SYT4: variants seen among roughly 807,000 people sequenced by gnomAD.
The protein encoded by SYT4 is synaptotagmin 4, also known as synaptotagmin-4.
In SYT4, 7 loss-of-function variants were observed where a neutral mutation model predicts 32.9. The ratio of observed to expected loss-of-function variants is 0.21; its 90% CI spans 0.12 to 0.40. The LOEUF (loss-of-function observed/expected upper bound fraction) is 0.40, where lower values mean the gene tolerates loss of function less well. Ranked by LOEUF, SYT4 falls within the 10% of genes least tolerant of loss-of-function variation. SYT4 has a pLI of 1.00. For synonymous variants in SYT4, 205 were observed against 186.2 expected (o/e 1.10, Z -0.82); for missense variants, 480 against 488.0 (o/e 0.98, Z 0.16).
At chr18:43,272,944 T>C (rs1020924562) in intron 2 of SYT4, among the ~76,000 whole-genome samples, 1 of 152,118 alleles carries the variant, frequency 6.6e-6, no homozygotes, top group African/African-American at 2.4e-5. Context: ...ACTGTTGAAA[T>C]CGAGTTTCAA....
intron 1 of SYT4, among the ~76,000 whole-genome samples, chr18:43,276,117 T>C (rs1908784713): frequency 1.3e-5 from 2 of 152,144 alleles, no homozygotes; most frequent in Admixed American, 1.3e-4. Context: ...AAATGAAGAA[T>C]TGGGAATAAA....
In SYT4 at chr18:43,270,600, T is replaced by C; in HGVS notation, c.1019A>G (p.Lys340Arg). ...GCATTTCTTCACATGAGTCTTCTTC[T>C]TGGAGATTCTCTTTTTGGCATGGTA... is the stretch of plus-strand genomic sequence containing the variant. ...NLYHAKKRIS[K>R]KKTHVKKCTP... The change falls in exon 4 of 4, where the codon AAG becomes AGG. Residue 340 changes from lysine to arginine, a missense_variant. Lys to Arg is a conservative substitution (Grantham distance 26, BLOSUM62 2). Transcript: ENST00000255224. 1 of 1,614,052 alleles carries C rather than the reference T, an allele frequency of 6.2e-7. No individual in the cohort carries two copies. Among genetic ancestry groups the C allele is most frequent in the Non-Finnish European group, 8.5e-7 (1 of 1,179,972 alleles).
chr18:43,274,965 A>T (rs1908748221), intron 1 of SYT4, among the ~76,000 whole-genome samples: 2 of 152,300 alleles, frequency 1.3e-5, no homozygotes, highest in South Asian at 4.1e-4. Flanking sequence ...AGAAATATAC[A>T]TATATTAGAG....
intron 1 of SYT4, among the ~76,000 whole-genome samples, chr18:43,275,936 C>A (rs1908779167): frequency 6.6e-6 from 1 of 151,962 alleles, no homozygotes; most frequent in Admixed American, 6.6e-5. Context: ...TAACCCAAGG[C>A]CAGGGAGCAA....
In SYT4 at chr18:43,270,474, C is replaced by G; in HGVS notation, c.1145G>C (p.Gly382Ala). Reference sequence around the variant, plus strand: ...CTGCCCGATTACCTCATTTCGGGACCCCCTTTCAGAATCCAAAACCAAAAA... The same window carrying G: ...CTGCCCGATTACCTCATTTCGGGACGCCCTTTCAGAATCCAAAACCAAAAA... Reference protein sequence around the residue: ...VEFLVLDSERGSRNEVIGQLV... With the variant: ...VEFLVLDSERASRNEVIGQLV... Residue 382 changes from glycine to alanine, a missense_variant, in exon 4 of 4, where the codon GGG becomes GCG. Coordinates refer to ENST00000255224, the MANE Select transcript of SYT4 (RefSeq NM_020783.4). 2 of 1,614,064 alleles carry G rather than the reference C, an allele frequency of 1.2e-6. No homozygotes were observed. Among genetic ancestry groups the G allele is most frequent in the Non-Finnish European group, 1.7e-6 (2 of 1,179,986 alleles).
rs560914365 is a variant in SYT4, at chr18:43,268,789, C to T, written c.*1552G>A. 6.6e-6 allele frequency: 1 copy of T among 152,556 alleles called. No individual in the cohort carries two copies. The highest frequency in any genetic ancestry group is 1.5e-5 in the Non-Finnish European group (1 of 68,028). The allele number at this position is 152,556 out of a possible 1,614,324, so 9.5% of individuals were successfully genotyped here. A position where few individuals can be genotyped will look rare whatever the true frequency, so the allele number is the denominator to read the frequency against. On this transcript the variant is annotated 3_prime_UTR_variant, in exon 4 of 4. Transcript: ENST00000255224. ...GTACATACAGAATGTAATACATTTT[C>T]TTTACATTAGGCATAGTCATAAAAA...
At chr18:43,275,254 T>A (rs1288171443) in intron 1 of SYT4, among the ~76,000 whole-genome samples, 2 of 152,154 alleles carry the variant, frequency 1.3e-5, no homozygotes, top group African/African-American at 4.8e-5. Context: ...AAACTGAAAT[T>A]GTCATTATTT....
chr18:43,270,824 A>G lies in SYT4; in HGVS notation c.971-176T>C, dbSNP rs560028440. 5.9e-5 allele frequency among the ~76,000 whole-genome samples: 9 copies of G among 152,244 alleles called. No homozygotes were observed. The South Asian group carries it at 1.5e-3, about 25-fold the overall frequency. On this transcript the variant is annotated intron_variant, in intron 3 of 3. Coordinates refer to ENST00000255224, the MANE Select transcript of SYT4 (RefSeq NM_020783.4). ...GGCATTTCTCTTGTCAACAGAATTGAAAATAAGGAAGAATATGGAAAATAA... is the reference window on the plus strand; with the variant it reads ...GGCATTTCTCTTGTCAACAGAATTGGAAATAAGGAAGAATATGGAAAATAA...
rs1294123853 is a variant in SYT4, at chr18:43,268,435, C to G, written c.*1906G>C. 6.6e-6 allele frequency: 1 copy of G among 152,020 alleles called. No individual in the cohort carries two copies. Among genetic ancestry groups the G allele is most frequent in the Non-Finnish European group, 1.5e-5 (1 of 68,008 alleles). 9.4% of individuals were successfully genotyped at this position (152,020 alleles called of 1,614,324 possible). On this transcript the variant is annotated 3_prime_UTR_variant, in exon 4 of 4. Transcript: ENST00000255224. ...TTAAAAAAAAAAAAATCGGCCTCGTCCAACAACCATACCTCAGCTGCTACC... is the reference window on the plus strand; with the variant it reads ...TTAAAAAAAAAAAAATCGGCCTCGTGCAACAACCATACCTCAGCTGCTACC...
chr18:43,274,689 G>A (rs1908739122), intron 1 of SYT4, among the ~76,000 whole-genome samples: 1 of 152,162 alleles, frequency 6.6e-6, no homozygotes, highest in Admixed American at 6.6e-5. Flanking sequence ...TAATGACTCT[G>A]ACCTATCTTT....
chr18:43,277,274 G>T lies in SYT4; in HGVS notation c.8C>A (p.Pro3Gln), dbSNP rs1908824091. The T allele has an allele frequency of 6.2e-7, 1 of 1,613,846 alleles. No homozygotes were observed. Among genetic ancestry groups the T allele is most frequent in the Non-Finnish European group, 8.5e-7 (1 of 1,179,944 alleles). Residue 3 changes from proline to glutamine, a missense_variant, in exon 1 of 4, where the codon CCG becomes CAG. Coordinates refer to ENST00000255224, the MANE Select transcript of SYT4 (RefSeq NM_020783.4). MA[P>Q]ITTSREEFDE... is the part of the protein sequence containing the mutation. ...AAATTCTTCCCGGCTGGTGGTGATC[G>T]GAGCCATTTTTTACTGCGTGTTCTG...
chr18:43,271,467 G>A (rs563700464), intron 3 of SYT4, among the ~76,000 whole-genome samples: 2 of 152,074 alleles, frequency 1.3e-5, no homozygotes, highest in African/African-American at 2.4e-5. Flanking sequence ...TGAATGGAAG[G>A]GTTAGGATTT....
chr18:43,276,996 A>G (rs1365222737), intron 1 of SYT4, among the ~76,000 whole-genome samples: 2 of 152,200 alleles, frequency 1.3e-5, no homozygotes, highest in Non-Finnish European at 2.9e-5. Context: ...TTACAGAAGT[A>G]CCTGAAAATT....
intron 3 of SYT4, 150 bp downstream of exon 3, chr18:43,271,562 T>A (rs1908630328): frequency 9.4e-7 from 1 of 1,058,812 alleles, no homozygotes; most frequent in African/African-American, 1.6e-5. Flanking sequence ...TCATTTTTTG[T>A]AAAGCTAGTC....
Position 43,273,986 on chromosome 18 carries a change from TCTGAAGTAAGGGAAGTG to T in SYT4, c.426_442del (p.Ser142ArgfsTer38). ...AGTTCCCAGCTTCTCTTGTTTCTCT[TCTGAAGTAAGGGAAGTG>T]CTGGACTTTAAACTCTCAGGGGAAA... On this transcript the variant is annotated frameshift_variant, in exon 2 of 4. Transcript: ENST00000255224. LOFTEE classifies it high-confidence loss of function. The T allele has an allele frequency of 6.2e-7, 1 of 1,613,980 alleles. No homozygotes were observed. Among genetic ancestry groups the T allele is most frequent in the Non-Finnish European group, 8.5e-7 (1 of 1,179,956 alleles).
chr18:43,276,048 A>G (rs902552412), intron 1 of SYT4, among the ~76,000 whole-genome samples: 11 of 152,208 alleles, frequency 7.2e-5, no homozygotes, highest in African/African-American at 1.9e-4. Context: ...ATGCTAGAAC[A>G]TATTTTCACT....
rs117568424 is a variant in SYT4 at position 43,270,455 on chromosome 18, G to A, written c.1164C>T (p.Ile388=). ...DSERGSRNEV[I]GQLVLGAAAE... ...CTGCTGCACCCAAGACTAACTGCCC[G>A]ATTACCTCATTTCGGGACCCCCTTT... The change falls in exon 4 of 4, where the codon ATC becomes ATT. Residue 388 remains isoleucine (I), a synonymous_variant. Coordinates refer to ENST00000255224, the MANE Select transcript of SYT4 (RefSeq NM_020783.4). 4.4e-4 allele frequency: 718 copies of A among 1,614,024 alleles called. No homozygotes were observed. Among genetic ancestry groups the A allele is most frequent in the Non-Finnish European group, 5.7e-4 (670 of 1,179,968 alleles).
At chr18:43,272,946 G>A (rs746466197) in intron 2 of SYT4, among the ~76,000 whole-genome samples, 2 of 151,966 alleles carry the variant, frequency 1.3e-5, no homozygotes, top group Non-Finnish European at 2.9e-5. Flanking sequence ...TGTTGAAATC[G>A]AGTTTCAAAT....
Position 43,273,896 on chromosome 18 carries a change from C to T in SYT4, c.533G>A (p.Arg178His), listed in dbSNP as rs759355306. The T allele has an allele frequency of 1.4e-5, 22 of 1,613,920 alleles. No individual in the cohort carries two copies. The highest frequency in any genetic ancestry group is 2.7e-5 in the African/African-American group (2 of 74,924). ...KAFVVNIKEA[R>H]GLPAMDEQSM... ...CTGCTCATCCATGGCTGGCAAGCCACGGGCTTCCTTGATATTGACCACAAA... is the reference window on the plus strand; with the variant it reads ...CTGCTCATCCATGGCTGGCAAGCCATGGGCTTCCTTGATATTGACCACAAA... The change falls in exon 2 of 4, where the codon CGT becomes CAT. Residue 178 changes from arginine (R) to histidine (H), a missense_variant. By Grantham distance (29) the Arg-to-His change is conservative. Transcript: ENST00000255224.
Sources: allele counts gnomAD v4.1 joint callset (sites outside exome capture counted in the v4.1 genomes callset), GRCh38; gene constraint gnomAD v4.1.1; transcripts MANE v1.5; gene names NCBI Gene and HGNC (gene_info 2026-07-23, HGNC 2026-07-21).